The following GABRA4 variants were observed in gnomAD, a reference collection of about 807,000 sequenced individuals.
GABRA4 encodes the protein gamma-aminobutyric acid receptor subunit alpha-4.
In GABRA4, 12 loss-of-function variants were observed where a neutral mutation model predicts 49.7. That is an observed-to-expected ratio of 0.24 (90% CI 0.15 to 0.39). The LOEUF is 0.39. Among genes scored for constraint, GABRA4 ranks in the 10% least tolerant of loss-of-function variants. The pLI is 1.00. For missense variants in GABRA4, 506 were observed against 686.0 expected, an observed-to-expected ratio of 0.74 and a Z score of 2.93; for synonymous variants, 288 against 240.2, an observed-to-expected ratio of 1.20 and a Z score of -1.84.
At position 46,987,184 on chromosome 4, in the gene GABRA4, T is replaced by C. The variant is rs370535682; in HGVS notation, c.205+5644A>G. 1.4e-3 allele frequency among the ~76,000 whole-genome samples: 211 copies of C among 152,184 alleles called. 7 individuals carry two copies. The South Asian group carries it at 0.042, about 30-fold the overall frequency. ...TGTCCTCTTACCACACTGATCCCCTTTTATGCCTCAGCCCTGCTAAACTTC... is the reference window on the plus strand; with the variant it reads ...TGTCCTCTTACCACACTGATCCCCTCTTATGCCTCAGCCCTGCTAAACTTC... On this transcript the variant is annotated intron_variant, in intron 2 of 8. Transcript: ENST00000264318.
intron 2 of GABRA4, among the ~76,000 whole-genome samples, chr4:46,989,096 T>C (rs1181751702): frequency 6.6e-6 from 1 of 152,226 alleles, no homozygotes; most frequent in Non-Finnish European, 1.5e-5. Context: ...TGGAAGATGA[T>C]TCAAAGGCAG....
intron 8 of GABRA4, among the ~76,000 whole-genome samples, chr4:46,934,346 C>T (rs994741836): frequency 6.6e-6 from 1 of 152,122 alleles, no homozygotes; most frequent in African/African-American, 2.4e-5. Context: ...TAGAACTAAA[C>T]TCCAAGGTAA....
At chr4:46,942,603 C>T (rs28413841) in intron 8 of GABRA4, among the ~76,000 whole-genome samples, 19,941 of 146,068 alleles carry the variant, frequency 0.14, 1,457 homozygotes, top group South Asian at 0.26. Flanking sequence ...CCAGCCTGGG[C>T]GACAGAGTGA....
intron 8 of GABRA4, among the ~76,000 whole-genome samples, chr4:46,936,558 G>A (rs1465620799): frequency 6.6e-6 from 1 of 152,126 alleles, no homozygotes; most frequent in Non-Finnish European, 1.5e-5. Flanking sequence ...CCAGATCACT[G>A]TTTCTTTCTG....
chr4:46,922,390 C>T lies in GABRA4; in HGVS notation c.*5835G>A, dbSNP rs544048923. 1 of 152,224 alleles carries T rather than the reference C, an allele frequency of 6.6e-6. No homozygotes were observed. Among genetic ancestry groups the T allele is most frequent in the Admixed American group, 6.5e-5 (1 of 15,280 alleles). 9.4% of individuals were successfully genotyped at this position (152,224 alleles called of 1,614,324 possible). A position where few individuals can be genotyped will look rare whatever the true frequency, so the allele number is the denominator to read the frequency against. ...TCTGACTCACCCTCCCACCACTTCC[C>T]ACACTGTAGTTCAGTAAATAGCTGG... On this transcript the variant is annotated 3_prime_UTR_variant, in exon 9 of 9. Transcript: ENST00000264318.
intron 8 of GABRA4, among the ~76,000 whole-genome samples, chr4:46,962,992 A>G (rs886465338): frequency 2.6e-5 from 4 of 151,840 alleles, no homozygotes; most frequent in African/African-American, 9.7e-5. Flanking sequence ...CCATTGAGCT[A>G]TTACAAGAAA....
chr4:46,977,140 G>T lies in GABRA4; in HGVS notation c.498C>A (p.Leu166=). 1 of 1,597,738 alleles carries T rather than the reference G, an allele frequency of 6.3e-7. No individual in the cohort carries two copies. The highest frequency in any genetic ancestry group is 8.6e-7 in the Non-Finnish European group (1 of 1,167,948). ...TCATGGGACACTCCGCACTTATGGTGAGTCTATGATGAAAAATGCAATTAA... is the reference window on the plus strand; with the variant it reads ...TCATGGGACACTCCGCACTTATGGTTAGTCTATGATGAAAAATGCAATTAA... ...RNGTILYTMR[L]TISAECPMRL... Residue 166 remains leucine, a synonymous_variant, in exon 5 of 9, where the codon CTC becomes CTA. Coordinates refer to ENST00000264318, the MANE Select transcript of GABRA4 (RefSeq NM_000809.4).
At chr4:46,969,266 A>C (rs527423362) in intron 7 of GABRA4, among the ~76,000 whole-genome samples, 1 of 151,700 alleles carries the variant, frequency 6.6e-6, no homozygotes, top group South Asian at 2.1e-4. Context: ...ATTTAAAAAA[A>C]TGTATACATG....
intron 4 of GABRA4, 130 bp from the exon 5 acceptor site, chr4:46,977,273 G>A: frequency 3.6e-6 from 2 of 558,684 alleles, no homozygotes; most frequent in East Asian, 3.7e-5. Context: ...AGGAAGGAAG[G>A]GAAGGAGGAA....
Position 46,928,644 on chromosome 4 carries a change from C to G in GABRA4, c.1246G>C (p.Val416Leu). The change falls in exon 9 of 9, where the codon GTT becomes CTT. Residue 416 changes from valine (V) to leucine (L), a missense_variant. Around this residue, in one of 5 missense-constraint regions of GABRA4, gnomAD observed 243 missense variants for 210.8 expected, o/e 1.15. Coordinates refer to ENST00000264318, the MANE Select transcript of GABRA4 (RefSeq NM_000809.4). The stretch of plus-strand genomic sequence containing the variant: ...GTGCCTTTAGAAGATTCTTGAACAA[C>G]TGTGGAAGATTTGCTTGAATGGTTT... ...VGNHSSKSST[V>L]VQESSKGTPR... 2 of 1,613,674 alleles carry G rather than the reference C, an allele frequency of 1.2e-6. No homozygotes were observed. Among genetic ancestry groups the G allele is most frequent in the South Asian group, 2.2e-5 (2 of 91,076 alleles).
chr4:46,960,473 T>C (rs1309703896), intron 8 of GABRA4, among the ~76,000 whole-genome samples: 1 of 151,774 alleles, frequency 6.6e-6, no homozygotes, highest in Non-Finnish European at 1.5e-5. Context: ...GCTTCAAACA[T>C]TTATAAGTTT....
rs1048084105 is a variant in GABRA4 at position 46,921,688 on chromosome 4, G to A, written c.*6537C>T. The A allele has an allele frequency of 6.6e-6, 1 of 151,924 alleles. No homozygotes were observed. Among genetic ancestry groups the A allele is most frequent in the African/African-American group, 2.4e-5 (1 of 41,360 alleles). The allele number at this position is 151,924 out of a possible 1,614,324, so 9.4% of individuals were successfully genotyped here. On this transcript the variant is annotated 3_prime_UTR_variant, in exon 9 of 9. Transcript: ENST00000264318. ...CTGGTCAATCCCTGGTCTATTGGAA[G>A]TGCAAATAACATATGGTGACTCAGT...
rs148675631 is a variant in GABRA4 at position 46,948,391 on chromosome 4, T to A, written c.1134+16579A>T. Among the ~76,000 whole-genome samples, 343 of 152,170 alleles carry A rather than the reference T, an allele frequency of 2.3e-3. 3 individuals are homozygous for A. Among genetic ancestry groups the A allele is most frequent in the African/African-American group, 8.0e-3 (333 of 41,536 alleles). On this transcript the variant is annotated intron_variant, in intron 8 of 8. Transcript: ENST00000264318. Reference sequence around the variant, plus strand: ...CATGGAGGAAACACAGTAATCTGATTGTGGGGAGCATTCAAACTAGGGAAG... The same window carrying A: ...CATGGAGGAAACACAGTAATCTGATAGTGGGGAGCATTCAAACTAGGGAAG...
intron 6 of GABRA4, among the ~76,000 whole-genome samples, chr4:46,971,719 T>C (rs1398173): frequency 2.8e-3 from 429 of 150,794 alleles, no homozygotes; most frequent in African/African-American, 9.7e-3. Context: ...TATATATAAA[T>C]ATATTTAAAT....
intron 8 of GABRA4, among the ~76,000 whole-genome samples, chr4:46,940,490 A>T (rs1207985470): frequency 1.3e-5 from 2 of 152,100 alleles, no homozygotes; most frequent in Non-Finnish European, 2.9e-5. Context: ...GCAGAAGAGG[A>T]TTCATTAAGT....
In GABRA4 at chr4:46,919,829, C is replaced by T. The variant is rs1036041697; in HGVS notation, c.*8396G>A. 6.6e-6 allele frequency: 1 copy of T among 151,620 alleles called. No homozygotes were observed. The highest frequency in any genetic ancestry group is 1.5e-5 in the Non-Finnish European group (1 of 67,650). 9.4% of individuals were successfully genotyped at this position (151,620 alleles called of 1,614,324 possible). A position where few individuals can be genotyped will look rare whatever the true frequency, so the allele number is the denominator to read the frequency against. On this transcript the variant is annotated 3_prime_UTR_variant, in exon 9 of 9. Transcript: ENST00000264318. ...GGATAAGCCAGTGGAAAAAATTAAC[C>T]TTCTATTTCAAACTACAGACATTCA...
chr4:46,935,800 C>T (rs1378555681), intron 8 of GABRA4, among the ~76,000 whole-genome samples: 1 of 151,940 alleles, frequency 6.6e-6, no homozygotes, highest in Non-Finnish European at 1.5e-5. Context: ...ACATGCATCC[C>T]AGAACTTAAA....
rs553607439 is a variant in GABRA4, at chr4:46,949,580, T to A, written c.1134+15390A>T. ...TTTGCTAGGAATTTGAAGATCACAT[T>A]GGAAAAAAATCTGTATATTTCATTG... is the stretch of plus-strand genomic sequence containing the variant. On this transcript the variant is annotated intron_variant, in intron 8 of 8. Transcript: ENST00000264318. Among the ~76,000 whole-genome samples the A allele has an allele frequency of 3.8e-4, 58 of 152,224 alleles. 1 individual carries two copies. Among genetic ancestry groups the A allele is most frequent in the African/African-American group, 1.4e-3 (57 of 41,570 alleles).
chr4:46,961,713 A>G (rs1722582563), intron 8 of GABRA4, among the ~76,000 whole-genome samples: 2 of 151,908 alleles, frequency 1.3e-5, no homozygotes, highest in South Asian at 4.1e-4. Flanking sequence ...AGACTACCAT[A>G]TGTGGCAAAT....
Sources: gnomAD v4.1 joint callset for allele counts (sites outside exome capture counted in the v4.1 genomes callset) on GRCh38, gnomAD v4.1.1 for gene constraint, gnomAD v4.1.1 regional missense constraint, MANE v1.5 for transcripts, NCBI Gene and HGNC (gene_info 2026-07-23, HGNC 2026-07-21) for gene names.